The following FOXP2 variants were observed in gnomAD, a reference collection of about 807,000 sequenced individuals.
FOXP2 encodes forkhead box P2, also known as forkhead box protein P2.
FOXP2 carries 12 observed loss-of-function variants against 115.8 expected under a neutral mutation model. The ratio of observed to expected loss-of-function variants is 0.10; its 90% CI spans 0.07 to 0.17. The LOEUF (loss-of-function observed/expected upper bound fraction) is 0.17. Ranked by LOEUF, FOXP2 falls within the 10% of genes least tolerant of loss-of-function variation. FOXP2 has a pLI of 1.00. For missense variants in FOXP2, 629 were observed against 843.5 expected, an observed-to-expected ratio of 0.75 and a Z score of 3.15; for synonymous variants, 328 against 297.7, an observed-to-expected ratio of 1.10 and a Z score of -1.05.
intron 16 of FOXP2, among the ~76,000 whole-genome samples, chr7:114,676,187 C>T (rs1020344748): frequency 6.6e-6 from 1 of 151,450 alleles, no homozygotes; most frequent in Non-Finnish European, 1.5e-5. Flanking sequence ...CCTCGGCCTC[C>T]CAAAGTGCTG....
At chr7:114,587,062 T>TG (rs11384637) in intron 3 of FOXP2, among the ~76,000 whole-genome samples, 12,842 of 151,748 alleles carry the variant, frequency 0.085, 614 homozygotes, top group Middle Eastern at 0.16. Flanking sequence ...GCTATTTCTT[T>TG]TTTTTTTTTA....
chr7:114,321,291 TG>T (rs1360861889), intron 2 of FOXP2, among the ~76,000 whole-genome samples: 4 of 151,852 alleles, frequency 2.6e-5, no homozygotes, highest in Non-Finnish European at 4.4e-5. Flanking sequence ...CTCTGCCTCC[TG>T]GGTTCACGCC....
chr7:114,090,216 C>A (rs541590699), intron 1 of FOXP2, among the ~76,000 whole-genome samples: 6 of 151,974 alleles, frequency 3.9e-5, no homozygotes, highest in African/African-American at 1.4e-4. Flanking sequence ...GCACACAGGT[C>A]TCTAAGAAGT....
At chr7:114,627,918 A>C (rs1243101201) in intron 3 of FOXP2, among the ~76,000 whole-genome samples, 1 of 151,890 alleles carries the variant, frequency 6.6e-6, no homozygotes, top group African/African-American at 2.4e-5. Flanking sequence ...TTTTCTGGAT[A>C]TACACACAGA....
chr7:114,403,841 A>G (rs1792951765), intron 2 of FOXP2, among the ~76,000 whole-genome samples: 2 of 152,182 alleles, frequency 1.3e-5, no homozygotes, highest in South Asian at 2.1e-4. Flanking sequence ...AAGATTAACT[A>G]AAAGCATACA....
chr7:114,097,152 A>G (rs537094363), intron 1 of FOXP2, among the ~76,000 whole-genome samples: 19 of 152,310 alleles, frequency 1.2e-4, no homozygotes, highest in African/African-American at 3.8e-4. Context: ...TTATTTCCAT[A>G]TGGTAAAATT....
chr7:114,487,714 T>G (rs1796859343), intron 2 of FOXP2, among the ~76,000 whole-genome samples: 1 of 152,206 alleles, frequency 6.6e-6, no homozygotes, highest in South Asian at 2.1e-4. Context: ...GCCACCAGTT[T>G]CCTTGCTAAA....
In FOXP2 at chr7:114,613,164, A is replaced by G. The variant is rs185083545; in HGVS notation, c.259-15376A>G. 2.5e-3 allele frequency among the ~76,000 whole-genome samples: 387 copies of G among 152,330 alleles called. 1 individual carries two copies. The highest frequency in any genetic ancestry group is 8.8e-3 in the African/African-American group (365 of 41,576). ...TAATCTTAATGTGCATCATAACTGC[A>G]TTTAGAATTTTTTTAATTAACAATA... is the stretch of plus-strand genomic sequence containing the variant. On this transcript the variant is annotated intron_variant, in intron 3 of 16. Transcript: ENST00000350908.
intron 3 of FOXP2, among the ~76,000 whole-genome samples, chr7:114,616,140 G>A (rs11762832): frequency 0.13 from 19,806 of 151,964 alleles, 1,565 homozygotes; most frequent in African/African-American, 0.22. Context: ...CACAACAGGT[G>A]AGTTGTTTTA....
chr7:114,609,758 G>T (rs763791206), intron 3 of FOXP2, among the ~76,000 whole-genome samples: 1 of 152,132 alleles, frequency 6.6e-6, no homozygotes, highest in Non-Finnish European at 1.5e-5. Context: ...ATGTCATTAA[G>T]TTCACCTTCA....
At chr7:114,612,869 G>T (rs1338266479) in intron 3 of FOXP2, among the ~76,000 whole-genome samples, 1 of 152,010 alleles carries the variant, frequency 6.6e-6, no homozygotes, top group Non-Finnish European at 1.5e-5. Flanking sequence ...TGTTTATTTC[G>T]AATCAGAATT....
intron 10 of FOXP2, among the ~76,000 whole-genome samples, chr7:114,657,035 G>C (rs943378344): frequency 3.9e-5 from 6 of 152,114 alleles, no homozygotes; most frequent in Non-Finnish European, 7.4e-5. Flanking sequence ...TGGTTGTATA[G>C]CCTACTGTAT....
At chr7:114,158,455 C>G (rs899329244), upstream of FOXP2, among the ~76,000 whole-genome samples, 197 of 152,086 alleles carry the variant, frequency 1.3e-3, 2 homozygotes, top group African/African-American at 4.5e-3. Flanking sequence ...ATTTACCAGT[C>G]TGTCTGGGAA....
At chr7:114,249,300 G>C (rs1026429428) in intron 1 of FOXP2, among the ~76,000 whole-genome samples, 1 of 152,058 alleles carries the variant, frequency 6.6e-6, no homozygotes, top group Non-Finnish European at 1.5e-5. Flanking sequence ...TGCTGCACCT[G>C]TCAACCCATC....
At chr7:114,240,205 G>A (rs1054641061) in intron 1 of FOXP2, among the ~76,000 whole-genome samples, 1 of 152,070 alleles carries the variant, frequency 6.6e-6, no homozygotes, top group African/African-American at 2.4e-5. Flanking sequence ...AGAATTTTAT[G>A]TTTCACCTTT....
Position 114,183,066 on chromosome 7 carries a change from A to G in FOXP2, c.-102+19978A>G, listed in dbSNP as rs567825543. On this transcript the variant is annotated intron_variant, in intron 1 of 17. Transcript: ENST00000634411. Reference sequence around the variant, plus strand: ...TTGCCTGCAGGGATCATCAGAATTGAGGGGGTGGTGGTAGAGGTCTGTATC... The same window carrying G: ...TTGCCTGCAGGGATCATCAGAATTGGGGGGGTGGTGGTAGAGGTCTGTATC... Among the ~76,000 whole-genome samples, 8 of 152,152 alleles carry G rather than the reference A, an allele frequency of 5.3e-5. No individual in the cohort carries two copies. In the South Asian group the frequency reaches 1.7e-3, roughly 32 times the overall value.
At chr7:114,613,930 A>G (rs978507317) in intron 3 of FOXP2, 1 of 152,036 alleles carries the variant, frequency 6.6e-6, no homozygotes, top group Non-Finnish European at 1.5e-5. Flanking sequence ...CTGTGACTGA[A>G]TAGTATTCAT....
chr7:114,405,397 A>G (rs1793012051), intron 2 of FOXP2, among the ~76,000 whole-genome samples: 1 of 151,952 alleles, frequency 6.6e-6, no homozygotes, highest in Non-Finnish European at 1.5e-5. Flanking sequence ...AGTAATATCT[A>G]TTAATTACAC....
chr7:114,223,484 A>G (rs536695159), intron 1 of FOXP2, among the ~76,000 whole-genome samples: 5 of 147,152 alleles, frequency 3.4e-5, no homozygotes, highest in African/African-American at 5.0e-5. Flanking sequence ...TATATATTAT[A>G]TACATTATAT....
Sources: allele counts gnomAD v4.1 joint callset (sites outside exome capture counted in the v4.1 genomes callset), GRCh38; gene constraint gnomAD v4.1.1; transcripts MANE v1.5; gene names NCBI Gene and HGNC (gene_info 2026-07-23, HGNC 2026-07-21).